Variants in ESR2 observed in about 807,000 individuals in gnomAD.
ESR2 encodes the protein estrogen receptor beta.
In ESR2, 36 loss-of-function variants were observed where a neutral mutation model predicts 49.6. The ratio of observed to expected loss-of-function variants is 0.73; its 90% confidence interval spans 0.56 to 0.96. The LOEUF (loss-of-function observed/expected upper bound fraction) is 0.96, where lower values mean the gene tolerates loss of function less well. Ranked by LOEUF, ESR2 falls within the 40% of genes least tolerant of loss-of-function variation. ESR2 has a pLI of 0.00. For missense variants in ESR2, 714 were observed against 693.0 expected (o/e 1.03, Z -0.34); for synonymous variants, 320 against 266.1 (o/e 1.20, Z -1.97).
At chr14:64,240,602 A>C (rs933061363) in intron 7 of ESR2, among the ~76,000 whole-genome samples, 1 of 152,332 alleles carries the variant, frequency 6.6e-6, no homozygotes, top group African/African-American at 2.4e-5. Flanking sequence ...GTACTTTGAC[A>C]TACATATACA....
intron 1 of ESR2, among the ~76,000 whole-genome samples, chr14:64,302,518 C>T (rs927326570): frequency 4.6e-5 from 7 of 151,896 alleles, no homozygotes; most frequent in South Asian, 2.1e-4. Context: ...AATACAGATT[C>T]CCAGCCCCCT....
chr14:64,236,333 C>T (rs1207127553), intron 7 of ESR2, among the ~76,000 whole-genome samples: 2 of 152,140 alleles, frequency 1.3e-5, no homozygotes, highest in African/African-American at 2.4e-5. Context: ...CTTTGTTCTC[C>T]ACATTGGTTC....
At chr14:64,227,612 G>A (rs2098722662), downstream of ESR2, 4 of 1,614,140 alleles carry the variant, frequency 2.5e-6, no homozygotes, top group Non-Finnish European at 3.4e-6. Flanking sequence ...GGCCTTTTCT[G>A]CCCTTAAGTA....
chr14:64,290,666 G>A (rs2076856923), intron 1 of ESR2, among the ~76,000 whole-genome samples: 1 of 152,140 alleles, frequency 6.6e-6, no homozygotes, highest in Admixed American at 6.5e-5. Context: ...GCCTCCCAAA[G>A]TGCTGAGATT....
chr14:64,242,449 A>AAC (rs1472120685), intron 7 of ESR2, among the ~76,000 whole-genome samples: 59 of 145,874 alleles, frequency 4.0e-4, no homozygotes, highest in Middle Eastern at 3.6e-3. Flanking sequence ...ACAAACAAAA[A>AAC]AAATATATAT....
chr14:64,311,811 T>C (rs1258705396), intron 1 of ESR2, among the ~76,000 whole-genome samples: 3 of 149,262 alleles, frequency 2.0e-5, no homozygotes, highest in African/African-American at 7.4e-5. Context: ...ACCCCATCTC[T>C]AAAAAAAAAC....
chr14:64,257,130 G>T, intron 6 of ESR2, 96 bp downstream of exon 6: 1 of 1,137,594 alleles, frequency 8.8e-7, no homozygotes, highest in Non-Finnish European at 1.3e-6. Flanking sequence ...CCCTGCAAGT[G>T]TGAGATTTTA....
Position 64,294,130 on chromosome 14 carries a change from T to C in ESR2, c.-188A>G, listed in dbSNP as rs2140852205. 1 of 152,394 alleles carries C rather than the reference T, an allele frequency of 6.6e-6. No homozygotes were observed. The highest frequency in any genetic ancestry group is 1.5e-5 in the Non-Finnish European group (1 of 68,152). 9.4% of individuals were successfully genotyped at this position (152,394 alleles called of 1,614,324 possible). A position where few individuals can be genotyped will look rare whatever the true frequency, so the allele number is the denominator to read the frequency against. On this transcript the variant is annotated 5_prime_UTR_variant, in exon 1 of 9. Coordinates refer to ENST00000341099, the MANE Select transcript of ESR2 (RefSeq NM_001437.3). ...TCCCGGCGCGCGCCCCGCCGCCACC[T>C]GTTGAGGAAAGCGAGCGCACCTCCT...
rs1262299455 is a variant in ESR2 at position 64,232,734 on chromosome 14, A to T, written c.*403T>A. The T allele has an allele frequency of 5.9e-6, 1 of 170,808 alleles. No homozygotes were observed. The allele number at this position is 170,808 out of a possible 1,614,324, so 10.6% of individuals were successfully genotyped here. On this transcript the variant is annotated 3_prime_UTR_variant, in exon 9 of 9. Coordinates refer to ENST00000341099, the MANE Select transcript of ESR2 (RefSeq NM_001437.3). ...AGGGAAGGGTAGTGTGTGCCACACAAGAAGGGTTAGCCCACTTCTGTAAGC... is the reference window on the plus strand; with the variant it reads ...AGGGAAGGGTAGTGTGTGCCACACATGAAGGGTTAGCCCACTTCTGTAAGC...
chr14:64,321,925 G>C (rs926903911), intron 1 of ESR2, among the ~76,000 whole-genome samples: 2 of 152,012 alleles, frequency 1.3e-5, no homozygotes, highest in Admixed American at 6.6e-5. Flanking sequence ...GGAGAGAGGG[G>C]ACATGGGATG....
At chr14:64,281,332 TATTG>T (rs1399894237) in intron 2 of ESR2, among the ~76,000 whole-genome samples, 1 of 152,178 alleles carries the variant, frequency 6.6e-6, no homozygotes. Context: ...GTAAAGGTAT[TATTG>T]ATTTATAAAT....
chr14:64,293,014 T>A (rs1350307961), intron 1 of ESR2, among the ~76,000 whole-genome samples: 2 of 152,216 alleles, frequency 1.3e-5, no homozygotes, highest in Non-Finnish European at 2.9e-5. Flanking sequence ...TCTAAAAAAA[T>A]GCTTGAACGT....
chr14:64,281,975 A>T (rs2140816684), intron 2 of ESR2, among the ~76,000 whole-genome samples: 1 of 152,348 alleles, frequency 6.6e-6, no homozygotes, highest in East Asian at 1.9e-4. Context: ...TTGTGGTTTC[A>T]CTATAAGAAG....
At chr14:64,322,518 GAAAAAAAAAAA>G (rs35866794) in intron 1 of ESR2, among the ~76,000 whole-genome samples, 1 of 86,470 alleles carries the variant, frequency 1.2e-5, no homozygotes, top group East Asian at 4.0e-4. Flanking sequence ...CCACAGAAAG[GAAAAAAAAAAA>G]AAAAAAAAGA....
chr14:64,276,442 T>C (rs963683836), intron 3 of ESR2, among the ~76,000 whole-genome samples: 2 of 152,104 alleles, frequency 1.3e-5, no homozygotes, highest in African/African-American at 4.8e-5. Context: ...TGTAGCAAGG[T>C]TTTTTTCTTT....
rs1186019670 is a variant in ESR2, at chr14:64,302,186, TTATTTA to T, written c.-90-19117_-90-19112del. On this transcript the variant is annotated intron_variant, in intron 1 of 8. Transcript: ENST00000358599. ...TTTATTTATTTATTTATTTATTTAT[TTATTTA>T]TTTATTTATTTTTTGAGACAGTCTC... Among the ~76,000 whole-genome samples, 109 of 150,046 alleles carry T rather than the reference TTATTTA, an allele frequency of 7.3e-4. 1 individual carries two copies. The highest frequency in any genetic ancestry group is 1.9e-3 in the African/African-American group (76 of 40,932).
chr14:64,314,330 T>A (rs2041365222), intron 1 of ESR2, among the ~76,000 whole-genome samples: 1 of 146,568 alleles, frequency 6.8e-6, no homozygotes, highest in South Asian at 2.2e-4. Flanking sequence ...ATAAAACATA[T>A]CAACACTTGA....
intron 1 of ESR2, among the ~76,000 whole-genome samples, chr14:64,288,908 C>T (rs2076824914): frequency 6.6e-6 from 1 of 150,452 alleles, no homozygotes; most frequent in East Asian, 2.0e-4. Flanking sequence ...ATCGCTTGAA[C>T]CCAGGAGGTG....
chr14:64,239,735 G>A (rs1364798595), intron 7 of ESR2, among the ~76,000 whole-genome samples: 1 of 152,112 alleles, frequency 6.6e-6, no homozygotes, highest in Non-Finnish European at 1.5e-5. Context: ...ACATTTTTCT[G>A]TTGTCTCTTA....
Sources: allele counts gnomAD v4.1 joint callset (sites outside exome capture counted in the v4.1 genomes callset), GRCh38; gene constraint gnomAD v4.1.1; transcripts MANE v1.5; gene names NCBI Gene and HGNC (gene_info 2026-07-23, HGNC 2026-07-21).